The following PIBF1 variants were observed in gnomAD, a reference collection of about 807,000 sequenced individuals.
PIBF1 encodes progesterone-induced-blocking factor 1.
Under a neutral mutation model 112.5 loss-of-function variants are expected in PIBF1, and 90 were observed. The observed-to-expected ratio is 0.80, with a 90% CI of 0.67 to 0.95. The LOEUF is 0.95. Among genes scored for constraint, PIBF1 ranks in the 40% least tolerant of loss-of-function variants. The pLI, the probability that PIBF1 is intolerant of heterozygous loss-of-function variation, is 0.00. For missense variants in PIBF1, 915 were observed against 852.3 expected (o/e 1.07, Z -0.92); for synonymous variants, 301 against 288.6 (o/e 1.04, Z -0.44).
chr13:72,853,981 CAGAT>C (rs1303779712), intron 9 of PIBF1, 72 bp from the exon 10 acceptor site: 5 of 1,109,080 alleles, frequency 4.5e-6, no homozygotes, highest in Non-Finnish European at 6.8e-6. Flanking sequence ...TTAAGATTGT[CAGAT>C]AGTCCATCTT....
At chr13:72,884,056 A>T (rs2039749443) in intron 10 of PIBF1, among the ~76,000 whole-genome samples, 1 of 152,218 alleles carries the variant, frequency 6.6e-6, no homozygotes, top group African/African-American at 2.4e-5. Flanking sequence ...GAATTATTAC[A>T]CATTGTATGC....
intron 17 of PIBF1, among the ~76,000 whole-genome samples, chr13:73,009,626 A>G (rs1440312059): frequency 6.6e-6 from 1 of 152,254 alleles, no homozygotes; most frequent in Admixed American, 6.5e-5. Flanking sequence ...AAATGTGGTT[A>G]GAACATGACA....
At chr13:72,865,175 G>T (rs2038871887) in intron 10 of PIBF1, among the ~76,000 whole-genome samples, 1 of 152,030 alleles carries the variant, frequency 6.6e-6, no homozygotes, top group African/African-American at 2.4e-5. Flanking sequence ...GAGAATATAT[G>T]ATGTATCCTA....
intron 13 of PIBF1, among the ~76,000 whole-genome samples, chr13:72,928,573 G>A (rs2041607875): frequency 6.6e-6 from 1 of 152,118 alleles, no homozygotes; most frequent in African/African-American, 2.4e-5. Context: ...CTCAGTTGCT[G>A]GGATTACAGG....
At chr13:72,935,502 C>T (rs1447968216) in intron 14 of PIBF1, among the ~76,000 whole-genome samples, 2 of 152,180 alleles carry the variant, frequency 1.3e-5, no homozygotes, top group Non-Finnish European at 2.9e-5. Context: ...CTCAGATGAA[C>T]ATTCACATAC....
intron 15 of PIBF1, chr13:72,970,405 T>G (rs2042857406): frequency 6.6e-6 from 1 of 152,166 alleles, no homozygotes; most frequent in African/African-American, 2.4e-5. Context: ...TTAGCATAAT[T>G]TTCTTTGCCT....
intron 17 of PIBF1, among the ~76,000 whole-genome samples, chr13:73,012,575 C>CCA (rs2044235169): frequency 2.7e-5 from 4 of 147,626 alleles, no homozygotes; most frequent in East Asian, 2.0e-4. Flanking sequence ...ACACACACAC[C>CCA]AAAAAAAACA....
At chr13:72,955,096 T>A (rs2042405968) in intron 14 of PIBF1, among the ~76,000 whole-genome samples, 1 of 152,230 alleles carries the variant, frequency 6.6e-6, no homozygotes, top group African/African-American at 2.4e-5. Flanking sequence ...GAGGTTGTTC[T>A]GATATGGAAT....
At chr13:73,009,930 G>C (rs1460442932) in intron 17 of PIBF1, among the ~76,000 whole-genome samples, 1 of 152,134 alleles carries the variant, frequency 6.6e-6, no homozygotes, top group East Asian at 1.9e-4. Context: ...CGTCCTTTTT[G>C]AGTATTAAGA....
chr13:72,934,964 A>AGTTT lies in PIBF1; in HGVS notation c.1833+3704_1833+3707dup, dbSNP rs200885590. On this transcript the variant is annotated intron_variant, in intron 14 of 17. Coordinates refer to ENST00000326291, the MANE Select transcript of PIBF1 (RefSeq NM_006346.4). Reference sequence around the variant, plus strand: ...GTTACTGTAGGTTAGTTAGTTAGTTAGTTTGTTTGTCTGTCTGTTTGTTTG... The same window carrying AGTTT: ...GTTACTGTAGGTTAGTTAGTTAGTTAGTTTGTTTGTTTGTCTGTCTGTTTGTTTG... 5.4e-3 allele frequency among the ~76,000 whole-genome samples: 825 copies of AGTTT among 151,646 alleles called. 6 individuals are homozygous for AGTTT. The highest frequency in any genetic ancestry group is 0.019 in the African/African-American group (788 of 41,238).
intron 3 of PIBF1, among the ~76,000 whole-genome samples, chr13:72,792,777 A>C (rs2035000103): frequency 6.6e-6 from 1 of 152,206 alleles, no homozygotes; most frequent in African/African-American, 2.4e-5. Context: ...AGTGTAAACC[A>C]TATATGATAA....
chr13:72,929,727 T>C (rs1056960741), intron 13 of PIBF1, among the ~76,000 whole-genome samples: 1 of 152,170 alleles, frequency 6.6e-6, no homozygotes, highest in Non-Finnish European at 1.5e-5. Flanking sequence ...TTTCCATCTC[T>C]AATGCCAGTT....
In PIBF1 at chr13:72,985,516, C is replaced by T. The variant is rs138120376; in HGVS notation, c.2049+11841C>T. ...CCAAGATCACACTACTGCACTCCAG[C>T]GTGGGCAACAGGGTGAGACTCCGTC... On this transcript the variant is annotated intron_variant, in intron 16 of 17. Transcript: ENST00000326291. 6.5e-3 allele frequency among the ~76,000 whole-genome samples: 985 copies of T among 151,906 alleles called. 22 individuals carry two copies. Among genetic ancestry groups the T allele is most frequent in the African/African-American group, 0.022 (912 of 41,428 alleles).
At chr13:72,994,566 G>A (rs9543194) in intron 16 of PIBF1, among the ~76,000 whole-genome samples, 15,618 of 152,098 alleles carry the variant, frequency 0.1, 1,087 homozygotes, top group Non-Finnish European at 0.15. Flanking sequence ...CAAATAATGA[G>A]GCAATGCTGC....
intron 10 of PIBF1, among the ~76,000 whole-genome samples, chr13:72,864,561 G>A (rs747559522): frequency 1.3e-5 from 2 of 152,142 alleles, no homozygotes; most frequent in South Asian, 4.1e-4. Context: ...GTGCGTGCAT[G>A]TGTGTGTGTT....
At chr13:72,788,470 C>T (rs559572949) in intron 2 of PIBF1, among the ~76,000 whole-genome samples, 46 of 152,290 alleles carry the variant, frequency 3.0e-4, no homozygotes, top group African/African-American at 1.1e-3. Context: ...ACTCCTTGAT[C>T]GCATTAGGAA....
chr13:72,792,962 T>A (rs1040400913), intron 3 of PIBF1, among the ~76,000 whole-genome samples: 1 of 152,224 alleles, frequency 6.6e-6, no homozygotes, highest in Non-Finnish European at 1.5e-5. Flanking sequence ...CAATTATACT[T>A]ATGTAACTTA....
intron 15 of PIBF1, among the ~76,000 whole-genome samples, chr13:72,968,908 G>T (rs1179918423): frequency 6.6e-6 from 1 of 151,852 alleles, no homozygotes; most frequent in Non-Finnish European, 1.5e-5. Flanking sequence ...CAGTGTGATG[G>T]CACGCTTCTG....
At chr13:72,941,622 T>A (rs2042010183) in intron 14 of PIBF1, among the ~76,000 whole-genome samples, 1 of 152,160 alleles carries the variant, frequency 6.6e-6, no homozygotes, top group Non-Finnish European at 1.5e-5. Flanking sequence ...GTCTAGAAAG[T>A]GGGACATGCA....
Sources: allele counts gnomAD v4.1 joint callset (sites outside exome capture counted in the v4.1 genomes callset), GRCh38; gene constraint gnomAD v4.1.1; transcripts MANE v1.5; gene names NCBI Gene and HGNC (gene_info 2026-07-23, HGNC 2026-07-21).